Variants in PTPRE observed in about 807,000 individuals in gnomAD.
PTPRE encodes protein tyrosine phosphatase receptor type E.
A neutral mutation model predicts 102.0 loss-of-function variants in PTPRE; 51 were observed. That is an observed-to-expected ratio of 0.50 (90% confidence interval 0.40 to 0.63). The LOEUF (loss-of-function observed/expected upper bound fraction) is 0.63. Ranked by LOEUF, PTPRE falls within the 30% of genes least tolerant of loss-of-function variation. PTPRE has a pLI of 0.00. For missense variants in PTPRE, 752 were observed against 915.1 expected, an observed-to-expected ratio of 0.82 and a Z score of 2.30; for synonymous variants, 345 against 348.2, an observed-to-expected ratio of 0.99 and a Z score of 0.10.
intron 3 of PTPRE, among the ~76,000 whole-genome samples, chr10:128,046,352 A>T (rs1452011296): frequency 2.0e-5 from 3 of 152,110 alleles, no homozygotes; most frequent in African/African-American, 7.2e-5. Flanking sequence ...AAGCGCATGG[A>T]CCCTGCGCTG....
chr10:128,082,309 T>C (rs1055032747), intron 20 of PTPRE, among the ~76,000 whole-genome samples: 2 of 144,248 alleles, frequency 1.4e-5, no homozygotes, highest in African/African-American at 2.6e-5. Context: ...CCTCCTGGGC[T>C]CAAGGAATCC....
At chr10:127,943,579 C>T (rs533311597) in intron 1 of PTPRE, among the ~76,000 whole-genome samples, 6 of 152,272 alleles carry the variant, frequency 3.9e-5, no homozygotes, top group African/African-American at 1.2e-4. Context: ...CATGGGGAAG[C>T]TCCACCCACC....
intron 10 of PTPRE, among the ~76,000 whole-genome samples, chr10:128,065,163 G>A (rs1035303584): frequency 1.6e-4 from 24 of 152,214 alleles, no homozygotes; most frequent in African/African-American, 4.1e-4. Flanking sequence ...GTCGGTAGCC[G>A]TCATAACACA....
intron 1 of PTPRE, among the ~76,000 whole-genome samples, chr10:127,956,946 GT>G (rs957218831): frequency 4.6e-5 from 7 of 151,720 alleles, no homozygotes; most frequent in Non-Finnish European, 8.8e-5. Context: ...AGTTTTAAGA[GT>G]TTTTTTTGTA....
intron 1 of PTPRE, among the ~76,000 whole-genome samples, chr10:127,954,897 G>C (rs1426832875): frequency 1.3e-5 from 2 of 151,808 alleles, no homozygotes; most frequent in East Asian, 3.9e-4. Context: ...CTTAGTTCCA[G>C]AGTGAGGAGT....
At chr10:127,934,332 A>G (rs1180013912) in intron 1 of PTPRE, 1 of 152,026 alleles carries the variant, frequency 6.6e-6, no homozygotes, top group Non-Finnish European at 1.5e-5. Context: ...CTTGTCCTTC[A>G]TGTGTTAGAA....
intron 1 of PTPRE, among the ~76,000 whole-genome samples, chr10:127,969,753 T>C (rs1331232951): frequency 1.3e-5 from 2 of 151,908 alleles, no homozygotes; most frequent in Non-Finnish European, 2.9e-5. Flanking sequence ...AAGGAGACGG[T>C]CAGACTGGGG....
chr10:128,030,338 G>A (rs1846640464), intron 2 of PTPRE, among the ~76,000 whole-genome samples: 1 of 152,206 alleles, frequency 6.6e-6, no homozygotes. Context: ...TCATTGGGAA[G>A]CAGGCGCAGA....
intron 1 of PTPRE, chr10:127,934,128 G>A (rs1349066906): frequency 6.7e-6 from 1 of 149,510 alleles, no homozygotes; most frequent in Non-Finnish European, 1.5e-5. Context: ...CTGAAATGAA[G>A]GTTCTTTGCA....
At chr10:128,068,050 C>A in intron 11 of PTPRE, 73 bp from the exon 12 acceptor site, 1 of 1,525,718 alleles carries the variant, frequency 6.6e-7, no homozygotes, top group Non-Finnish European at 8.9e-7. Context: ...ACGGCGGCGT[C>A]CTCAGAATGA....
intron 1 of PTPRE, among the ~76,000 whole-genome samples, chr10:127,962,013 CT>C (rs1422948628): frequency 2.0e-5 from 3 of 152,284 alleles, no homozygotes; most frequent in African/African-American, 7.2e-5. Context: ...CTCCATTTTT[CT>C]CTGGGTATTA....
chr10:128,013,561 C>A (rs995336623), intron 2 of PTPRE, among the ~76,000 whole-genome samples: 27 of 152,122 alleles, frequency 1.8e-4, no homozygotes, highest in African/African-American at 2.9e-4. Context: ...TGTCCCCCCC[C>A]AGATTTATAT....
chr10:127,981,785 C>G (rs1324508648), intron 1 of PTPRE, among the ~76,000 whole-genome samples: 1 of 151,460 alleles, frequency 6.6e-6, no homozygotes, highest in Non-Finnish European at 1.5e-5. Context: ...CCATTGCACT[C>G]CAGCCTGGGC....
chr10:127,982,315 A>G lies in PTPRE; in HGVS notation c.-8+19A>G. On this transcript the variant is annotated intron_variant, in intron 2 of 20. Coordinates refer to ENST00000254667, the MANE Select transcript of PTPRE (RefSeq NM_006504.6). Reference sequence around the variant, plus strand: ...TCCCTCGGTGAGTACAAAACTTTTTAAAAATTATTTTTGATGTACAGATAA... The same window carrying G: ...TCCCTCGGTGAGTACAAAACTTTTTGAAAATTATTTTTGATGTACAGATAA... 3 of 1,218,328 alleles carry G rather than the reference A, an allele frequency of 2.5e-6. No homozygotes were observed. Among genetic ancestry groups the G allele is most frequent in the Non-Finnish European group, 3.2e-6 (3 of 934,154 alleles). 75.5% of individuals were successfully genotyped at this position (1,218,328 alleles called of 1,614,324 possible). A position where few individuals can be genotyped will look rare whatever the true frequency, so the allele number is the denominator to read the frequency against.
intron 2 of PTPRE, among the ~76,000 whole-genome samples, chr10:128,001,216 G>A (rs1243421660): frequency 6.6e-6 from 1 of 151,292 alleles, no homozygotes; most frequent in African/African-American, 2.4e-5. Context: ...GTGTGTGCAT[G>A]TGTGTGTGTG....
At chr10:127,978,743 G>A (rs902762070) in intron 1 of PTPRE, among the ~76,000 whole-genome samples, 5 of 152,106 alleles carry the variant, frequency 3.3e-5, no homozygotes, top group African/African-American at 7.2e-5. Context: ...CTCACCGGCC[G>A]GGCTTGGTAA....
At chr10:128,026,965 C>T (rs1424783954) in intron 2 of PTPRE, among the ~76,000 whole-genome samples, 1 of 152,172 alleles carries the variant, frequency 6.6e-6, no homozygotes, top group Non-Finnish European at 1.5e-5. Flanking sequence ...TGTTTTTCTC[C>T]ATGTGTAACA....
At chr10:128,029,585 GC>G (rs891109463) in intron 2 of PTPRE, among the ~76,000 whole-genome samples, 1 of 152,216 alleles carries the variant, frequency 6.6e-6, no homozygotes, top group African/African-American at 2.4e-5. Flanking sequence ...ACTGCTGAAG[GC>G]CCGTGGGTCT....
At chr10:128,011,889 G>C (rs1452309099) in intron 2 of PTPRE, among the ~76,000 whole-genome samples, 2 of 152,198 alleles carry the variant, frequency 1.3e-5, no homozygotes, top group South Asian at 4.1e-4. Context: ...AGCAGAACCT[G>C]GGCCAGAGAG....
Sources: allele counts gnomAD v4.1 joint callset (sites outside exome capture counted in the v4.1 genomes callset), GRCh38; gene constraint gnomAD v4.1.1; transcripts MANE v1.5; gene names NCBI Gene and HGNC (gene_info 2026-07-23, HGNC 2026-07-21).